Variants in WNT10B observed in about 807,000 individuals in gnomAD.
The protein encoded by WNT10B is protein Wnt-10b.
Under a neutral mutation model 32.7 loss-of-function variants are expected in WNT10B, and 26 were observed. That is an observed-to-expected ratio of 0.79 (90% CI 0.58 to 1.10). WNT10B has a LOEUF of 1.10. Among genes scored for constraint, WNT10B ranks in the 50% least tolerant of loss-of-function variants. The pLI is 0.00. For missense variants in WNT10B, 474 were observed against 532.5 expected (o/e 0.89, Z 1.08); for synonymous variants, 204 against 220.4 (o/e 0.93, Z 0.66).
intron 3 of WNT10B, chr12:48,969,248 C>G: frequency 2.4e-6 from 1 of 418,576 alleles, no homozygotes; most frequent in Non-Finnish European, 4.9e-6. Context: ...CCTCTGCTAC[C>G]CCAGGATCTA....
intron 3 of WNT10B, among the ~76,000 whole-genome samples, chr12:48,968,851 T>A (rs538638578): frequency 6.6e-6 from 1 of 151,778 alleles, no homozygotes; most frequent in South Asian, 2.1e-4. Flanking sequence ...CCTACCACCA[T>A]CCTAGCACCC....
At position 48,966,049 on chromosome 12, in the gene WNT10B, C is replaced by A. The variant is rs1940724169; in HGVS notation, c.*46G>T. 6.2e-7 allele frequency: 1 copy of A among 1,607,282 alleles called. No individual in the cohort carries two copies. Among genetic ancestry groups the A allele is most frequent in the African/African-American group, 1.3e-5 (1 of 74,812 alleles). On this transcript the variant is annotated 3_prime_UTR_variant, in exon 5 of 5. Transcript: ENST00000301061. ...TCAGAGCAAAGGGCTGAAAAGGCGC[C>A]CCTCTCACACAGTCCTCTTCCCCAG...
Position 48,970,477 on chromosome 12 carries a change from A to T in WNT10B, c.53T>A (p.Leu18Gln). The T allele has an allele frequency of 6.2e-7, 1 of 1,612,570 alleles. No individual in the cohort carries two copies. The highest frequency in any genetic ancestry group is 1.1e-5 in the South Asian group (1 of 90,732). Residue 18 changes from leucine (L) to glutamine (Q), a missense_variant, in exon 2 of 5, where the codon CTG becomes CAG. Leu to Gln is a moderately radical substitution (Grantham distance 113). Transcript: ENST00000301061. The surrounding 1 kb of genome is among the most constrained non-coding windows in gnomAD (Gnocchi z 5.0). ...RPPPSGLAGL[L>Q]FLALCSRALS... ...TCACCGACTGCACAACGCCAGGAAC[A>T]GGAGACCCGCGAGGCCCGAGGGCGG...
chr12:48,970,291 G>T lies in WNT10B; in HGVS notation c.135C>A (p.Asn45Lys), dbSNP rs1256849511. ...KLPGEPPLTA[N>K]TVCLTLSGLS... is the part of the protein sequence containing the mutation. Reference sequence around the variant, plus strand: ...GGCCGGACAGCGTCAAGCACACGGTGTTGGCCGTCAGCGGCGGCTCGCCAG... The same window carrying T: ...GGCCGGACAGCGTCAAGCACACGGTTTTGGCCGTCAGCGGCGGCTCGCCAG... The change falls in exon 3 of 5, where the codon AAC becomes AAA. Residue 45 changes from asparagine (N) to lysine (K), a missense_variant. Physicochemically the swap from Asn to Lys is moderately conservative, Grantham distance 94. Coordinates refer to ENST00000301061, the MANE Select transcript of WNT10B (RefSeq NM_003394.4). The surrounding 1 kb of genome is among the most constrained non-coding windows in gnomAD (Gnocchi z 5.0). The T allele has an allele frequency of 1.2e-6, 2 of 1,614,038 alleles. No individual in the cohort carries two copies. Among genetic ancestry groups the T allele is most frequent in the Non-Finnish European group, 1.7e-6 (2 of 1,179,954 alleles).
intron 3 of WNT10B, among the ~76,000 whole-genome samples, chr12:48,969,487 A>G (rs1429386161): frequency 6.6e-6 from 1 of 152,172 alleles, no homozygotes; most frequent in Non-Finnish European, 1.5e-5. Context: ...CCAGGCCAGC[A>G]GTGACCTGTT....
chr12:48,965,508 C>G lies in WNT10B; in HGVS notation c.*587G>C, dbSNP rs1157427491. ...CCATTAACATCTGAATGGAAGGAGA[C>G]AACTTCCCTAAGGGCCTGGACAGAC... is the stretch of plus-strand genomic sequence containing the variant. On this transcript the variant is annotated 3_prime_UTR_variant, in exon 5 of 5. Transcript: ENST00000301061. 1 of 152,886 alleles carries G rather than the reference C, an allele frequency of 6.5e-6. No individual in the cohort carries two copies. The highest frequency in any genetic ancestry group is 1.5e-5 in the Non-Finnish European group (1 of 68,268). 9.5% of individuals were successfully genotyped at this position (152,886 alleles called of 1,614,324 possible). A position where few individuals can be genotyped will look rare whatever the true frequency, so the allele number is the denominator to read the frequency against.
chr12:48,966,091 A>AC lies in WNT10B; in HGVS notation c.*3dup, dbSNP rs1565714924. ...CTTCCCCAGCCCCAAGGTAAGGCTG[A>AC]CCCTCACTTACACACATTCACCCAC... On this transcript the variant is annotated 3_prime_UTR_variant, in exon 5 of 5. Transcript: ENST00000301061. 1.2e-6 allele frequency: 2 copies of AC among 1,613,656 alleles called. No individual in the cohort carries two copies. The highest frequency in any genetic ancestry group is 1.7e-6 in the Non-Finnish European group (2 of 1,180,024).
At position 48,970,516 on chromosome 12, in the gene WNT10B, G is replaced by A; in HGVS notation, c.14C>T (p.Pro5Leu). MLEE[P>L]RPRPPPSGLA... ...GCCCGAGGGCGGAGGCCGCGGCCGGGGCTCCTCCAGCATGTCGAAGCCCGG... is the reference window on the plus strand; with the variant it reads ...GCCCGAGGGCGGAGGCCGCGGCCGGAGCTCCTCCAGCATGTCGAAGCCCGG... Residue 5 changes from proline to leucine, a missense_variant, in exon 2 of 5, where the codon CCC becomes CTC. Transcript: ENST00000301061. This position sits in a 1 kb window ranked among gnomAD's most constrained non-coding sequence, Gnocchi z 5.0. 1 of 1,586,224 alleles carries A rather than the reference G, an allele frequency of 6.3e-7. No homozygotes were observed. Among genetic ancestry groups the A allele is most frequent in the South Asian group, 1.1e-5 (1 of 87,468 alleles).
chr12:48,966,583 C>T (rs1379644727), intron 4 of WNT10B, 30 bp from the exon 5 acceptor site: 2 of 1,608,732 alleles, frequency 1.2e-6, no homozygotes, highest in South Asian at 1.1e-5. Context: ...AGAGGTGAAG[C>T]AGAGGGCAGC....
Position 48,967,995 on chromosome 12 carries a change from C to T in WNT10B, c.662G>A (p.Arg221Gln), listed in dbSNP as rs757229432. ...RDFLDSREAPRDIQARMRIHN... is the reference protein window; with the variant it reads ...RDFLDSREAPQDIQARMRIHN... Reference sequence around the variant, plus strand: ...GATTCGCATTCGTGCCTGGATGTCCCGGGGAGCTTCCCTGGAATCCAAGAA... The same window carrying T: ...GATTCGCATTCGTGCCTGGATGTCCTGGGGAGCTTCCCTGGAATCCAAGAA... Residue 221 changes from arginine to glutamine, a missense_variant, in exon 4 of 5, where the codon CGG becomes CAG. By Grantham distance (43) the Arg-to-Gln change is conservative. Transcript: ENST00000301061. 8.7e-6 allele frequency: 14 copies of T among 1,614,124 alleles called. No homozygotes were observed. The highest frequency in any genetic ancestry group is 3.3e-5 in the South Asian group (3 of 91,094).
At chr12:48,969,795 C>T (rs1440207564) in intron 3 of WNT10B, among the ~76,000 whole-genome samples, 1 of 151,992 alleles carries the variant, frequency 6.6e-6, no homozygotes. Flanking sequence ...CTGGGGGCAT[C>T]TCTTGTTCAC....
intron 3 of WNT10B, chr12:48,969,097 T>C: frequency 2.1e-6 from 1 of 471,018 alleles, no homozygotes; most frequent in Non-Finnish European, 4.4e-6. Flanking sequence ...CAGACTTAAA[T>C]AAACATGCTC....
In WNT10B at chr12:48,970,439, C is replaced by T. The variant is rs1468036226; in HGVS notation, c.74+17G>A. 1 of 1,613,684 alleles carries T rather than the reference C, an allele frequency of 6.2e-7. No individual in the cohort carries two copies. The highest frequency in any genetic ancestry group is 8.5e-7 in the Non-Finnish European group (1 of 1,179,860). On this transcript the variant is annotated intron_variant, in intron 2 of 4. Coordinates refer to ENST00000301061, the MANE Select transcript of WNT10B (RefSeq NM_003394.4). The surrounding 1 kb of genome is among the most constrained non-coding windows in gnomAD (Gnocchi z 5.0). The stretch of plus-strand genomic sequence containing the variant: ...GTCGGTGTTTCTATGGCCTGGGAGA[C>T]AAGGGGAACTGCTCACCGACTGCAC...
Position 48,970,864 on chromosome 12 carries a change from C to T in WNT10B, c.-40-295G>A. On this transcript the variant is annotated intron_variant, in intron 1 of 4. Transcript: ENST00000301061. This position sits in a 1 kb window ranked among gnomAD's most constrained non-coding sequence, Gnocchi z 5.0. Reference sequence around the variant, plus strand: ...ACAGACACACACTCACTTGCAAACTCAGACACACAGACTCACAAACACTTG... The same window carrying T: ...ACAGACACACACTCACTTGCAAACTTAGACACACAGACTCACAAACACTTG... 2.2e-6 allele frequency: 1 copy of T among 459,516 alleles called. No homozygotes were observed. Among genetic ancestry groups the T allele is most frequent in the East Asian group, 4.1e-5 (1 of 24,558 alleles). 28.5% of individuals were successfully genotyped at this position (459,516 alleles called of 1,614,324 possible). A position where few individuals can be genotyped will look rare whatever the true frequency, so the allele number is the denominator to read the frequency against.
At position 48,970,292 on chromosome 12, in the gene WNT10B, T is replaced by C; in HGVS notation, c.134A>G (p.Asn45Ser). 17 of 1,614,012 alleles carry C rather than the reference T, an allele frequency of 1.1e-5. No individual in the cohort carries two copies. The highest frequency in any genetic ancestry group is 1.4e-5 in the Non-Finnish European group (16 of 1,179,950). Residue 45 changes from asparagine (N) to serine (S), a missense_variant, in exon 3 of 5, where the codon AAC (asparagine) becomes AGC (serine). By Grantham distance (46) the Asn-to-Ser change is conservative. Transcript: ENST00000301061. This position sits in a 1 kb window ranked among gnomAD's most constrained non-coding sequence, Gnocchi z 5.0. ...KLPGEPPLTANTVCLTLSGLS... is the reference protein window; with the variant it reads ...KLPGEPPLTASTVCLTLSGLS... The stretch of plus-strand genomic sequence containing the variant: ...GCCGGACAGCGTCAAGCACACGGTG[T>C]TGGCCGTCAGCGGCGGCTCGCCAGG...
Position 48,970,030 on chromosome 12 carries a change from C to A in WNT10B, c.337+59G>T. The A allele has an allele frequency of 7.2e-7, 1 of 1,393,996 alleles. No homozygotes were observed. Among genetic ancestry groups the A allele is most frequent in the Non-Finnish European group, 9.2e-7 (1 of 1,081,606 alleles). 86.4% of individuals were successfully genotyped at this position (1,393,996 alleles called of 1,614,324 possible). ...CATCCCTTCCCGCCTCCGCGCGCCT[C>A]GCCCTGCCGCCCACCCCCTAGCCTC... On this transcript the variant is annotated intron_variant, in intron 3 of 4. Coordinates refer to ENST00000301061, the MANE Select transcript of WNT10B (RefSeq NM_003394.4). This position sits in a 1 kb window ranked among gnomAD's most constrained non-coding sequence, Gnocchi z 5.0.
In WNT10B at chr12:48,970,089, C is replaced by T; in HGVS notation, c.337G>A (p.Gly113Ser). 3 of 1,517,706 alleles carry T rather than the reference C, an allele frequency of 2.0e-6. No individual in the cohort carries two copies. Among genetic ancestry groups the T allele is most frequent in the Non-Finnish European group, 2.6e-6 (3 of 1,133,940 alleles). The allele number at this position is 1,517,706 out of a possible 1,614,324, so 94.0% of individuals were successfully genotyped here. A position where few individuals can be genotyped will look rare whatever the true frequency, so the allele number is the denominator to read the frequency against. ...CGCCGACCCGCCCAGCCAGGCTCAC[C>T]GCGCTTGAGGATGGCGCTGTGGTGC... is the stretch of plus-strand genomic sequence containing the variant. ...LPHHSAILKR[G>S]FRESAFSFSM... The change falls in exon 3 of 5, where the codon GGT becomes AGT. Residue 113 changes from glycine to serine, a missense_variant and splice_region_variant. Coordinates refer to ENST00000301061, the MANE Select transcript of WNT10B (RefSeq NM_003394.4). This position sits in a 1 kb window ranked among gnomAD's most constrained non-coding sequence, Gnocchi z 5.0.
chr12:48,966,588 G>A (rs1232445780), intron 4 of WNT10B, 35 bp from the exon 5 acceptor site: 1 of 1,607,124 alleles, frequency 6.2e-7, no homozygotes, highest in Non-Finnish European at 8.5e-7. Flanking sequence ...TGAAGCAGAG[G>A]GCAGCAAATG....
intron 4 of WNT10B, 26 bp from the exon 5 acceptor site, chr12:48,966,579 G>T: frequency 6.2e-7 from 1 of 1,610,006 alleles, no homozygotes; most frequent in Non-Finnish European, 8.5e-7. Context: ...GAAAAGAGGT[G>T]AAGCAGAGGG....
Sources: allele counts gnomAD v4.1 joint callset (sites outside exome capture counted in the v4.1 genomes callset), GRCh38; gene constraint gnomAD v4.1.1; non-coding constraint Gnocchi (gnomAD v3.1); transcripts MANE v1.5; gene names NCBI Gene and HGNC (gene_info 2026-07-23, HGNC 2026-07-21).